Variants in SYN3 observed in about 807,000 individuals in gnomAD.
The protein encoded by SYN3 is synapsin-3.
A neutral mutation model predicts 65.8 loss-of-function variants in SYN3; 35 were observed. That is an observed-to-expected ratio of 0.53 (90% confidence interval 0.41 to 0.70). SYN3 has a LOEUF of 0.70. Among genes scored for constraint, SYN3 ranks in the 30% least tolerant of loss-of-function variants. The pLI is 0.00. For missense variants in SYN3, 680 were observed against 749.0 expected (o/e 0.91, Z 1.08); for synonymous variants, 270 against 292.9 (o/e 0.92, Z 0.80).
At chr22:32,713,548 C>T (rs183437998) in intron 6 of SYN3, among the ~76,000 whole-genome samples, 43 of 152,180 alleles carry the variant, frequency 2.8e-4, no homozygotes, top group African/African-American at 9.6e-4. Context: ...ACAGATATCC[C>T]GGCTGGGCGC....
intron 4 of SYN3, among the ~76,000 whole-genome samples, chr22:32,909,628 A>G (rs977085560): frequency 1.7e-5 from 1 of 58,660 alleles, no homozygotes; most frequent in Non-Finnish European, 3.4e-5. Context: ...CCGCCCCCCC[A>G]CCCCTTACCT....
At chr22:33,042,545 C>A (rs1395196137) in intron 1 of SYN3, among the ~76,000 whole-genome samples, 1 of 152,176 alleles carries the variant, frequency 6.6e-6, no homozygotes, top group Admixed American at 6.5e-5. Context: ...TTTTGAAGAG[C>A]TCTAAAAACA....
chr22:32,769,679 A>C (rs1056052767), intron 6 of SYN3, among the ~76,000 whole-genome samples: 5 of 152,020 alleles, frequency 3.3e-5, no homozygotes, highest in African/African-American at 1.2e-4. Context: ...CACCATGTCC[A>C]GATAAATTTG....
At position 32,814,336 on chromosome 22, in the gene SYN3, A is replaced by AC. The variant is rs1491172510; in HGVS notation, c.711+50578_711+50579insG. Among the ~76,000 whole-genome samples, 314 of 148,330 alleles carry AC rather than the reference A, an allele frequency of 2.1e-3. 3 individuals are homozygous for AC. The highest frequency in any genetic ancestry group is 7.2e-3 in the African/African-American group (281 of 39,030). The stretch of plus-strand genomic sequence containing the variant: ...GAGAGACAGAAAGAAAGAAAGAAAG[A>AC]AAGAGAAAGAAAGAGAGAAAGAAAG... On this transcript the variant is annotated intron_variant, in intron 6 of 13. Transcript: ENST00000358763.
intron 4 of SYN3, among the ~76,000 whole-genome samples, chr22:32,913,188 T>G: frequency 1.3e-5 from 2 of 149,732 alleles, no homozygotes; most frequent in Admixed American, 6.7e-5. Context: ...TGAGATGGAG[T>G]CTCGCTCTGT....
chr22:32,963,036 G>C (rs1429234997), intron 3 of SYN3, among the ~76,000 whole-genome samples: 2 of 149,632 alleles, frequency 1.3e-5, no homozygotes, highest in Non-Finnish European at 3.0e-5. Context: ...GGGATAAATG[G>C]CTTAAGATAT....
At chr22:32,569,571 C>CTATATATATATA (rs1555898682) in intron 7 of SYN3, among the ~76,000 whole-genome samples, 13 of 90,930 alleles carry the variant, frequency 1.4e-4, no homozygotes, top group African/African-American at 3.7e-4. Flanking sequence ...CTCTCTCTCT[C>CTATATATATATA]TATATATATA....
intron 1 of SYN3, among the ~76,000 whole-genome samples, chr22:33,034,680 A>C (rs1369037904): frequency 6.6e-6 from 1 of 152,220 alleles, no homozygotes; most frequent in African/African-American, 2.4e-5. Flanking sequence ...CAAGCACCAT[A>C]TCATCATTCC....
Position 32,518,795 on chromosome 22 carries a change from G to A in SYN3, c.1319-461C>T, listed in dbSNP as rs545554627. Among the ~76,000 whole-genome samples the A allele has an allele frequency of 1.4e-4, 22 of 152,292 alleles. No individual in the cohort carries two copies. The South Asian group carries it at 1.5e-3, about 10-fold the overall frequency. On this transcript the variant is annotated intron_variant, in intron 12 of 13. Transcript: ENST00000358763. The stretch of plus-strand genomic sequence containing the variant: ...TCTGATAGAGTGAGTCTCGGGCTGC[G>A]TTACGGACTGAATTGTGTTCACCCT...
chr22:32,742,863 C>A (rs1262943352), intron 6 of SYN3, among the ~76,000 whole-genome samples: 1 of 152,192 alleles, frequency 6.6e-6, no homozygotes, highest in Non-Finnish European at 1.5e-5. Flanking sequence ...ACAAAAACAG[C>A]TCACACGAAT....
intron 1 of SYN3, among the ~76,000 whole-genome samples, chr22:33,021,708 G>A (rs541483287): frequency 1.3e-5 from 2 of 151,748 alleles, no homozygotes; most frequent in South Asian, 2.1e-4. Flanking sequence ...GACTGCCACT[G>A]TCTGGTACTT....
intron 6 of SYN3, among the ~76,000 whole-genome samples, chr22:32,694,929 C>T (rs1431418964): frequency 1.3e-5 from 2 of 152,166 alleles, no homozygotes; most frequent in Non-Finnish European, 2.9e-5. Flanking sequence ...GTGTTTGTTA[C>T]AATAGCTTCA....
Position 32,857,969 on chromosome 22 carries a change from G to A in SYN3, c.711+6946C>T, listed in dbSNP as rs1432234001. The A allele has an allele frequency of 5.0e-6, 8 of 1,613,838 alleles. No individual in the cohort carries two copies. In the South Asian group the frequency reaches 8.8e-5, roughly 18 times the overall value. ...GTAGGTGTGAATTCTCTCTGGGCTA[G>A]GCTCTGGACAAAACAACCTCTCCTT... On this transcript the variant is annotated intron_variant, in intron 6 of 13. Transcript: ENST00000358763.
intron 6 of SYN3, among the ~76,000 whole-genome samples, chr22:32,696,342 T>G (rs2060736256): frequency 6.6e-6 from 1 of 152,214 alleles, no homozygotes; most frequent in African/African-American, 2.4e-5. Flanking sequence ...CTGAGAAATG[T>G]GGTCCCTGCC....
At chr22:32,971,717 C>CTT (rs2146940713) in intron 3 of SYN3, among the ~76,000 whole-genome samples, 1 of 152,280 alleles carries the variant, frequency 6.6e-6, no homozygotes, top group East Asian at 1.9e-4. Flanking sequence ...AGTAATTTTG[C>CTT]AATATCTATC....
chr22:32,534,994 C>T (rs1278590991), intron 9 of SYN3, among the ~76,000 whole-genome samples: 1 of 152,114 alleles, frequency 6.6e-6, no homozygotes, highest in East Asian at 1.9e-4. Flanking sequence ...GAGACTCACA[C>T]CCATGGAGCT....
intron 1 of SYN3, among the ~76,000 whole-genome samples, chr22:33,025,305 T>C (rs1308859417): frequency 6.6e-6 from 1 of 151,550 alleles, no homozygotes; most frequent in East Asian, 1.9e-4. Flanking sequence ...AATACAAAAA[T>C]TAGCCAGGCA....
chr22:32,744,964 G>A (rs564205361), intron 6 of SYN3, among the ~76,000 whole-genome samples: 3 of 152,278 alleles, frequency 2.0e-5, no homozygotes, highest in East Asian at 3.9e-4. Flanking sequence ...CAATGTTTAC[G>A]GGGCACCCAG....
At chr22:32,617,204 C>T (rs1347802466) in intron 6 of SYN3, among the ~76,000 whole-genome samples, 1 of 152,160 alleles carries the variant, frequency 6.6e-6, no homozygotes, top group Non-Finnish European at 1.5e-5. Flanking sequence ...AGTTATTCTG[C>T]CCCCAACAAA....
Sources: allele counts gnomAD v4.1 joint callset (sites outside exome capture counted in the v4.1 genomes callset), GRCh38; gene constraint gnomAD v4.1.1; transcripts MANE v1.5; gene names NCBI Gene and HGNC (gene_info 2026-07-23, HGNC 2026-07-21).